Variants in GPHN observed in about 807,000 individuals in gnomAD.
GPHN encodes the protein gephyrin.
A neutral mutation model predicts 95.5 loss-of-function variants in GPHN; 17 were observed. The observed-to-expected ratio is 0.18, with a 90% CI of 0.12 to 0.27. The LOEUF (loss-of-function observed/expected upper bound fraction) is 0.27. Among genes scored for constraint, GPHN ranks in the 10% least tolerant of loss-of-function variants. GPHN has a pLI of 1.00. For synonymous variants in GPHN, 320 were observed against 322.5 expected (o/e 0.99, Z 0.08); for missense variants, 660 against 978.1 (o/e 0.67, Z 4.34).
chr14:67,123,670 T>A, intron 17 of GPHN, among the ~76,000 whole-genome samples: 1 of 152,148 alleles, frequency 6.6e-6, no homozygotes, highest in East Asian at 1.9e-4. Flanking sequence ...AGTGAGACTC[T>A]GTCTCAAAAA....
At chr14:66,764,995 T>C (rs905185143) in intron 2 of GPHN, among the ~76,000 whole-genome samples, 4 of 152,166 alleles carry the variant, frequency 2.6e-5, no homozygotes, top group Admixed American at 2.0e-4. Context: ...CAACCTGAAC[T>C]ACTATATATC....
the GPHN span, among the ~76,000 whole-genome samples, chr14:67,561,192 T>C: frequency 6.6e-6 from 1 of 152,218 alleles, no homozygotes; most frequent in Non-Finnish European, 1.5e-5. Flanking sequence ...CTTACCTGCG[T>C]ATTCTCACAG....
the GPHN span, chr14:67,198,452 T>C: frequency 1.2e-6 from 1 of 850,170 alleles, no homozygotes; most frequent in Non-Finnish European, 1.8e-6. Context: ...AGAGAACAGT[T>C]TGGGAACTTT....
chr14:67,536,966 A>G, the GPHN span, among the ~76,000 whole-genome samples: 3 of 147,940 alleles, frequency 2.0e-5, no homozygotes, highest in East Asian at 2.0e-4. Flanking sequence ...TTTGAACCTG[A>G]GAGGCGGAGG....
At chr14:67,270,632 A>G in the GPHN span, 3 of 147,986 alleles carry the variant, frequency 2.0e-5, no homozygotes, top group African/African-American at 5.0e-5. Context: ...ATTGCTTTGG[A>G]CTGGGAGGAC....
At chr14:67,393,222 G>A in the GPHN span, 1 of 1,613,544 alleles carries the variant, frequency 6.2e-7, no homozygotes, top group Non-Finnish European at 8.5e-7. Context: ...TTGCTATCGT[G>A]CATCTTGTCC....
the GPHN span, among the ~76,000 whole-genome samples, chr14:67,603,115 G>A: frequency 0.02 from 3,004 of 151,714 alleles, 43 homozygotes; most frequent in African/African-American, 0.036. Flanking sequence ...CACCGAAAGC[G>A]GAGTGCAGCA....
At chr14:67,207,905 T>C in the GPHN span, among the ~76,000 whole-genome samples, 1 of 152,190 alleles carries the variant, frequency 6.6e-6, no homozygotes, top group Non-Finnish European at 1.5e-5. Context: ...TGCTGACAAT[T>C]CACAGAGAAG....
chr14:66,905,325 C>T (rs1227919629), intron 5 of GPHN, among the ~76,000 whole-genome samples: 1 of 151,988 alleles, frequency 6.6e-6, no homozygotes, highest in Non-Finnish European at 1.5e-5. Context: ...TTTTGAATTG[C>T]TTTTCTGTGT....
the GPHN span, chr14:67,724,392 GTTTT>G: frequency 6.0e-3 from 4,138 of 685,204 alleles, 5 homozygotes; most frequent in East Asian, 0.013. Flanking sequence ...GCTGGATAGA[GTTTT>G]TTTTTTTTTT....
chr14:67,349,027 G>T, the GPHN span: 1 of 1,613,076 alleles, frequency 6.2e-7, no homozygotes, highest in Non-Finnish European at 8.5e-7. Flanking sequence ...CTAAAAGGTT[G>T]AAACGTTACC....
chr14:67,672,105 G>T, the GPHN span, among the ~76,000 whole-genome samples: 1 of 150,972 alleles, frequency 6.6e-6, no homozygotes, highest in Non-Finnish European at 1.5e-5. Context: ...TCAGTGCCAG[G>T]TTGAAAATGC....
At chr14:67,622,041 G>C in the GPHN span, among the ~76,000 whole-genome samples, 1 of 152,110 alleles carries the variant, frequency 6.6e-6, no homozygotes, top group African/African-American at 2.4e-5. Context: ...AGGTTGCAGT[G>C]ATTGTGCCAC....
At chr14:66,570,295 C>CTTTTTT (rs535461102) in intron 1 of GPHN, among the ~76,000 whole-genome samples, 8 of 100,098 alleles carry the variant, frequency 8.0e-5, no homozygotes, top group Middle Eastern at 6.0e-3. Flanking sequence ...ATTTCATGTA[C>CTTTTTT]TTTTTTTTTT....
the GPHN span, chr14:67,663,269 G>T: frequency 9.7e-7 from 1 of 1,033,914 alleles, no homozygotes; most frequent in Non-Finnish European, 1.4e-6. Flanking sequence ...TGTATTTTCT[G>T]ATAGTTTATA....
chr14:67,148,596 T>C (rs1348491203), intron 18 of GPHN, among the ~76,000 whole-genome samples: 1 of 141,772 alleles, frequency 7.1e-6, no homozygotes, highest in African/African-American at 2.8e-5. Flanking sequence ...AGGCTCGCTC[T>C]GTCACCCAGG....
At chr14:66,627,386 G>GT (rs1339646436) in intron 1 of GPHN, among the ~76,000 whole-genome samples, 6 of 151,396 alleles carry the variant, frequency 4.0e-5, no homozygotes, top group Non-Finnish European at 7.4e-5. Context: ...CCCCAACATT[G>GT]TTTCTCAGAT....
At chr14:67,144,251 ATATATATAT>A (rs1483767136) in intron 18 of GPHN, among the ~76,000 whole-genome samples, 9 of 41,252 alleles carry the variant, frequency 2.2e-4, no homozygotes, top group Admixed American at 3.5e-4. Context: ...AAAAAAAAAA[ATATATATAT>A]ATATATATAT....
intron 9 of GPHN, among the ~76,000 whole-genome samples, chr14:66,998,062 G>A (rs892657464): frequency 6.6e-6 from 1 of 152,136 alleles, no homozygotes; most frequent in African/African-American, 2.4e-5. Flanking sequence ...ACAGCCTACA[G>A]CATCCATCAG....
Sources: gnomAD v4.1 joint callset for allele counts (sites outside exome capture counted in the v4.1 genomes callset) on GRCh38, gnomAD v4.1.1 for gene constraint, MANE v1.5 for transcripts, NCBI Gene and HGNC (gene_info 2026-07-23, HGNC 2026-07-21) for gene names.